FMNL3: variants seen among roughly 807,000 people sequenced by gnomAD.
The protein encoded by FMNL3 is formin like 3.
FMNL3 carries 57 observed loss-of-function variants against 119.6 expected under a neutral mutation model. The observed-to-expected ratio is 0.48, with a 90% CI of 0.39 to 0.59. The LOEUF is 0.59. Ranked by LOEUF, FMNL3 falls within the 20% of genes least tolerant of loss-of-function variation. The pLI is 0.00. For missense variants in FMNL3, 1,053 were observed against 1,323.5 expected (o/e 0.80, Z 3.17); for synonymous variants, 491 against 507.3 (o/e 0.97, Z 0.43).
intron 25 of FMNL3, among the ~76,000 whole-genome samples, chr12:49,646,233 C>T (rs1943178738): frequency 6.6e-6 from 1 of 152,184 alleles, no homozygotes; most frequent in South Asian, 2.1e-4. Flanking sequence ...CATCTGATAC[C>T]TCCTGGTCAG....
rs777206359 is a variant in FMNL3, at chr12:49,668,477, A to G, written c.204T>C (p.Cys68=). Reference sequence around the variant, plus strand: ...TCTTTCCCAAACCCCATACCTGGTCACAGATCAGATCCCATTTCTTCTCAT... The same window carrying G: ...TCTTTCCCAAACCCCATACCTGGTCGCAGATCAGATCCCATTTCTTCTCAT... ...YDNEKKWDLI[C]DQERFQVKNP... is the part of the protein sequence containing the mutation. Residue 68 remains cysteine, a synonymous_variant, in exon 2 of 26, where the codon TGT becomes TGC. Coordinates refer to ENST00000335154, the MANE Select transcript of FMNL3 (RefSeq NM_175736.5). 1.2e-6 allele frequency: 2 copies of G among 1,613,902 alleles called. No homozygotes were observed. The highest frequency in any genetic ancestry group is 2.7e-5 in the African/African-American group (2 of 74,918).
chr12:49,699,651 A>G (rs1465636098), intron 1 of FMNL3, among the ~76,000 whole-genome samples: 1 of 152,232 alleles, frequency 6.6e-6, no homozygotes, highest in Non-Finnish European at 1.5e-5. Context: ...TAACAGTTAC[A>G]TATGCTTTTA....
Position 49,643,199 on chromosome 12 carries a change from A to C in FMNL3, c.*2616T>G. 6.2e-7 allele frequency: 1 copy of C among 1,613,454 alleles called. No individual in the cohort carries two copies. The highest frequency in any genetic ancestry group is 8.5e-7 in the Non-Finnish European group (1 of 1,179,790). ...TGGAGGGCAGAGAACCTCTGCACTGACATGTATCTGCTGATCTGCCCAGGG... is the reference window on the plus strand; with the variant it reads ...TGGAGGGCAGAGAACCTCTGCACTGCCATGTATCTGCTGATCTGCCCAGGG... On this transcript the variant is annotated 3_prime_UTR_variant, in exon 26 of 26. Coordinates refer to ENST00000335154, the MANE Select transcript of FMNL3 (RefSeq NM_175736.5).
chr12:49,649,624 G>C lies in FMNL3; in HGVS notation c.2235+67C>G, dbSNP rs2138723353. The C allele has an allele frequency of 6.2e-7, 1 of 1,610,774 alleles. No homozygotes were observed. The highest frequency in any genetic ancestry group is 2.2e-5 in the East Asian group (1 of 44,852). ...GGTCAGAAGGACTGGAAGGGCAGGG[G>C]AGGTGACTAGCAGATGGAGGGTGGA... On this transcript the variant is annotated intron_variant, in intron 18 of 25. Coordinates refer to ENST00000335154, the MANE Select transcript of FMNL3 (RefSeq NM_175736.5). This position sits in a 1 kb window ranked among gnomAD's most constrained non-coding sequence, Gnocchi z 5.6.
intron 14 of FMNL3, 126 bp downstream of exon 14, chr12:49,651,807 A>G (rs1943411266): frequency 7.0e-7 from 1 of 1,429,338 alleles, no homozygotes; most frequent in Non-Finnish European, 9.2e-7. Context: ...CCCTGATTTT[A>G]TATCCCTCCA....
chr12:49,668,542 G>C lies in FMNL3; in HGVS notation c.139C>G (p.Leu47Val), dbSNP rs779097382. 7 of 1,614,122 alleles carry C rather than the reference G, an allele frequency of 4.3e-6. No homozygotes were observed. Among genetic ancestry groups the C allele is most frequent in the East Asian group, 2.2e-5 (1 of 44,880 alleles). ...AGGAGCCGGGCCTTGTCTGGAGGCA[G>C]GTTCATGGAGCTCTGAGGAGAGAAC... ...RFALVLSSMN[L>V]PPDKARLLRQ... Residue 47 changes from leucine to valine, a missense_variant, in exon 2 of 26, where the codon CTG (leucine) becomes GTG (valine). Leu to Val is a conservative substitution (Grantham distance 32). This residue lies in a region of FMNL3 where 264 missense variants were observed against 265.5 expected (regional missense o/e 0.99). Transcript: ENST00000335154.
At chr12:49,685,153 T>C (rs1049973573) in intron 1 of FMNL3, among the ~76,000 whole-genome samples, 6 of 152,190 alleles carry the variant, frequency 3.9e-5, no homozygotes, top group African/African-American at 1.4e-4. Flanking sequence ...TCAGCTGGTG[T>C]ATGATGGTTT....
At chr12:49,668,940 C>A (rs181087698) in intron 1 of FMNL3, among the ~76,000 whole-genome samples, 103 of 152,156 alleles carry the variant, frequency 6.8e-4, no homozygotes, top group African/African-American at 2.3e-3. Context: ...TAAAATGTGA[C>A]GGGAACATGA....
In FMNL3 at chr12:49,647,602, CGGA is replaced by C. The variant is rs1943246653; in HGVS notation, c.2778+98_2778+100del. ...CTTGCATCGCTCCCTTCCCAGGACT[CGGA>C]GGAGGAGTCGGAAAAGGCCCATACT... On this transcript the variant is annotated intron_variant, in intron 23 of 25. Coordinates refer to ENST00000335154, the MANE Select transcript of FMNL3 (RefSeq NM_175736.5). This position sits in a 1 kb window ranked among gnomAD's most constrained non-coding sequence, Gnocchi z 4.9. 3.6e-6 allele frequency: 4 copies of C among 1,119,282 alleles called. No individual in the cohort carries two copies. The highest frequency in any genetic ancestry group is 1.9e-5 in the Admixed American group (1 of 53,310). 69.3% of individuals were successfully genotyped at this position (1,119,282 alleles called of 1,614,324 possible). A position where few individuals can be genotyped will look rare whatever the true frequency, so the allele number is the denominator to read the frequency against.
Position 49,643,869 on chromosome 12 carries a change from TGA to T in FMNL3, c.*1944_*1945del. Reference sequence around the variant, plus strand: ...GCTCTGGACTCTTACAGAATAGTCCTGAGAGTGAGACAGACCCTGAGGAGAAA... The same window carrying T: ...GCTCTGGACTCTTACAGAATAGTCCTGAGTGAGACAGACCCTGAGGAGAAA... On this transcript the variant is annotated 3_prime_UTR_variant, in exon 26 of 26. Coordinates refer to ENST00000335154, the MANE Select transcript of FMNL3 (RefSeq NM_175736.5). 6.2e-7 allele frequency: 1 copy of T among 1,614,134 alleles called. No individual in the cohort carries two copies.
chr12:49,704,710 CAAAAAAA>C (rs59799899), intron 1 of FMNL3, among the ~76,000 whole-genome samples: 15 of 37,846 alleles, frequency 4.0e-4, no homozygotes, highest in Middle Eastern at 0.034. Flanking sequence ...AACTCCATCT[CAAAAAAA>C]AAAAAAAAAA....
In FMNL3 at chr12:49,642,490, C is replaced by T; in HGVS notation, c.*3325G>A. ...GGGCCAGCTCCAGTTCCCTTCCTTT[C>T]TCTGCCCCAGCCCTGCCCTGTGCTC... On this transcript the variant is annotated 3_prime_UTR_variant, in exon 26 of 26. Transcript: ENST00000335154. The surrounding 1 kb of genome is among the most constrained non-coding windows in gnomAD (Gnocchi z 5.8). 2 of 1,578,086 alleles carry T rather than the reference C, an allele frequency of 1.3e-6. No individual in the cohort carries two copies. The highest frequency in any genetic ancestry group is 1.7e-6 in the Non-Finnish European group (2 of 1,149,862).
intron 1 of FMNL3, among the ~76,000 whole-genome samples, chr12:49,680,812 A>G (rs1275300906): frequency 6.6e-6 from 1 of 152,150 alleles, no homozygotes; most frequent in Non-Finnish European, 1.5e-5. Context: ...TACTATTCTC[A>G]ATAACCACTG....
chr12:49,674,840 T>C (rs576971088), intron 1 of FMNL3, among the ~76,000 whole-genome samples: 8 of 152,308 alleles, frequency 5.3e-5, no homozygotes, highest in South Asian at 2.1e-4. Context: ...GCCAAGTCCC[T>C]GAGCAGCCTG....
At position 49,654,276 on chromosome 12, in the gene FMNL3, G is replaced by A. The variant is rs775987831; in HGVS notation, c.987C>T (p.Ile329=). 1.3e-5 allele frequency: 21 copies of A among 1,613,914 alleles called. No homozygotes were observed. The highest frequency in any genetic ancestry group is 4.5e-5 in the East Asian group (2 of 44,884). Reference sequence around the variant, plus strand: ...TCATGTCCTCCACCGAGTGCACCACGATGTTGATGAACTGCATGCAGGCCA... The same window carrying A: ...TCATGTCCTCCACCGAGTGCACCACAATGTTGATGAACTGCATGCAGGCCA... ...FMVACMQFIN[I]VVHSVEDMNF... is the part of the protein sequence containing the mutation. Residue 329 remains isoleucine, a synonymous_variant, in exon 11 of 26, where the codon ATC becomes ATT. Coordinates refer to ENST00000335154, the MANE Select transcript of FMNL3 (RefSeq NM_175736.5).
chr12:49,641,818 T>G lies in FMNL3; in HGVS notation c.*3997A>C. 1 of 1,088,250 alleles carries G rather than the reference T, an allele frequency of 9.2e-7. No individual in the cohort carries two copies. The highest frequency in any genetic ancestry group is 1.3e-5 in the South Asian group (1 of 77,570). 67.4% of individuals were successfully genotyped at this position (1,088,250 alleles called of 1,614,324 possible). A position where few individuals can be genotyped will look rare whatever the true frequency, so the allele number is the denominator to read the frequency against. ...TGGATCTCTTCCAGAGGCAAGGGCCTTCTTGACCATCTGTAATGTGACCAC... is the reference window on the plus strand; with the variant it reads ...TGGATCTCTTCCAGAGGCAAGGGCCGTCTTGACCATCTGTAATGTGACCAC... On this transcript the variant is annotated 3_prime_UTR_variant, in exon 26 of 26. Coordinates refer to ENST00000335154, the MANE Select transcript of FMNL3 (RefSeq NM_175736.5).
rs1235518616 is a variant in FMNL3 at position 49,652,122 on chromosome 12, C to T, written c.1414G>A (p.Glu472Lys). Reference sequence around the variant, plus strand: ...GACTCCAGGCCCCGGACATTTGGCTCCAAATGACATCGACGCTGAAAGGCC... The same window carrying T: ...GACTCCAGGCCCCGGACATTTGGCTTCAAATGACATCGACGCTGAAAGGCC... ...EEAFQRRCHL[E>K]PNVRGLESVD... Residue 472 changes from glutamate to lysine, a missense_variant, in exon 14 of 26, where the codon GAG (glutamate) becomes AAG (lysine). Coordinates refer to ENST00000335154, the MANE Select transcript of FMNL3 (RefSeq NM_175736.5). The T allele has an allele frequency of 1.2e-6, 2 of 1,613,142 alleles. No individual in the cohort carries two copies. The highest frequency in any genetic ancestry group is 2.7e-5 in the African/African-American group (2 of 74,916).
chr12:49,690,056 C>G (rs1944562170), intron 1 of FMNL3, among the ~76,000 whole-genome samples: 1 of 152,250 alleles, frequency 6.6e-6, no homozygotes, highest in Non-Finnish European at 1.5e-5. Context: ...CATGATCTCA[C>G]TTGGTCTTCA....
intron 10 of FMNL3, among the ~76,000 whole-genome samples, 160 bp from the exon 11 acceptor site, chr12:49,654,462 T>G (rs191750920): frequency 9.4e-4 from 143 of 152,354 alleles, no homozygotes; most frequent in African/African-American, 3.4e-3. Context: ...AGTATTTTAA[T>G]TTTAAAAATG....
Sources: gnomAD v4.1 joint callset for allele counts (sites outside exome capture counted in the v4.1 genomes callset) on GRCh38, gnomAD v4.1.1 for gene constraint, gnomAD v4.1.1 regional missense constraint, Gnocchi (gnomAD v3.1) non-coding constraint, MANE v1.5 for transcripts, NCBI Gene and HGNC (gene_info 2026-07-23, HGNC 2026-07-21) for gene names.